GPR149: variants seen among roughly 807,000 people sequenced by gnomAD.
The protein encoded by GPR149 is G protein-coupled receptor 149.
In GPR149, 50 loss-of-function variants were observed where a neutral mutation model predicts 50.2. The observed-to-expected ratio is 1.00, with a 90% confidence interval of 0.79 to 1.26. The LOEUF (loss-of-function observed/expected upper bound fraction) is 1.26. Among genes scored for constraint, GPR149 ranks in the 50% most tolerant of loss-of-function variants. The probability of loss-of-function intolerance (pLI) is 0.00; values close to 1 mark genes in which losing one functional copy is unlikely to be tolerated. For missense variants in GPR149, 983 were observed against 895.4 expected, an observed-to-expected ratio of 1.10 and a Z score of -1.25; for synonymous variants, 405 against 358.2, an observed-to-expected ratio of 1.13 and a Z score of -1.48.
intron 3 of GPR149, among the ~76,000 whole-genome samples, chr3:154,396,168 T>G (rs1306398899): frequency 2.6e-5 from 4 of 152,158 alleles, no homozygotes; most frequent in Admixed American, 1.3e-4. Flanking sequence ...AAATGTTTGT[T>G]TAGTGTGGGA....
chr3:154,421,147 A>G lies in GPR149; in HGVS notation c.1515T>C (p.Thr505=), dbSNP rs756291401. ...KTGGDINYEE[T]TFSEGPERRL... is the part of the protein sequence containing the mutation. ...TTCTTTCTGGCCCTTCAGAAAAGGT[A>G]GTTTCTTCATAGTTAATATCACCTC... The change falls in exon 3 of 4, where the codon ACT becomes ACC. Residue 505 remains threonine, a synonymous_variant. Transcript: ENST00000389740. 5.0e-6 allele frequency: 8 copies of G among 1,613,268 alleles called. No individual in the cohort carries two copies. In the East Asian group the frequency reaches 1.1e-4, roughly 22 times the overall value.
intron 3 of GPR149, chr3:154,354,308 A>G (rs1714162333): frequency 3.2e-6 from 1 of 316,418 alleles, no homozygotes; most frequent in Admixed American, 4.8e-5. Context: ...CTATAAGGGA[A>G]GTACAGGTCT....
Position 154,427,724 on chromosome 3 carries a change from A to G in GPR149, c.982-16T>C. The G allele has an allele frequency of 1.2e-6, 2 of 1,603,604 alleles. No individual in the cohort carries two copies. Among genetic ancestry groups the G allele is most frequent in the African/African-American group, 2.7e-5 (2 of 74,684 alleles). ...CCATGTGCATCTGCAAGGGCAAGAG[A>G]ACTTCAGACCTAACCTAAAATTATA... is the stretch of plus-strand genomic sequence containing the variant. On this transcript the variant is annotated splice_polypyrimidine_tract_variant and intron_variant, in intron 1 of 3. Transcript: ENST00000389740.
intron 3 of GPR149, among the ~76,000 whole-genome samples, chr3:154,378,102 G>A (rs1013350222): frequency 1.2e-5 from 1 of 82,102 alleles, no homozygotes; most frequent in African/African-American, 4.4e-5. Context: ...TTTTTTTTTT[G>A]AGATGGAGTC....
At chr3:154,353,173 A>C in intron 3 of GPR149, 2 of 1,530,948 alleles carry the variant, frequency 1.3e-6, no homozygotes, top group Admixed American at 3.3e-5. Context: ...CTCCCTTCAG[A>C]CCCACTGTAG....
intron 3 of GPR149, among the ~76,000 whole-genome samples, chr3:154,397,848 T>C (rs1209946054): frequency 1.3e-5 from 2 of 152,166 alleles, no homozygotes; most frequent in African/African-American, 4.8e-5. Context: ...TTATTTAATT[T>C]TTATCTTACT....
chr3:154,356,801 T>C (rs1266899457), intron 3 of GPR149, among the ~76,000 whole-genome samples: 2 of 152,098 alleles, frequency 1.3e-5, no homozygotes, highest in Non-Finnish European at 2.9e-5. Flanking sequence ...AAGCTACCAA[T>C]GACTTTCTTC....
Position 154,428,770 on chromosome 3 carries a change from G to A in GPR149, c.846C>T (p.Ala282=), listed in dbSNP as rs771407063. The A allele has an allele frequency of 6.2e-7, 1 of 1,613,764 alleles. No individual in the cohort carries two copies. Among genetic ancestry groups the A allele is most frequent in the African/African-American group, 1.3e-5 (1 of 74,910 alleles). ...DTVFGPGAPA[A]AGAEACRREN... is the part of the protein sequence containing the mutation. ...CACGCCTGCAGGCTTCAGCCCCAGC[G>A]GCAGCGGGCGCACCCGGTCCGAACA... Residue 282 remains alanine (A), a synonymous_variant, in exon 1 of 4, where the codon GCC becomes GCT. Transcript: ENST00000389740.
chr3:154,340,311 A>G (rs946070227), intron 3 of GPR149, among the ~76,000 whole-genome samples: 1 of 152,254 alleles, frequency 6.6e-6, no homozygotes, highest in South Asian at 2.1e-4. Context: ...GCCAAGGCAA[A>G]GAACTTCATT....
At chr3:154,385,211 G>A (rs1032218568) in intron 3 of GPR149, among the ~76,000 whole-genome samples, 4 of 152,192 alleles carry the variant, frequency 2.6e-5, no homozygotes, top group African/African-American at 9.7e-5. Flanking sequence ...TTTGTGCTAT[G>A]TCTGCTGTAG....
intron 3 of GPR149, among the ~76,000 whole-genome samples, chr3:154,418,973 G>C (rs1712063049): frequency 1.3e-5 from 2 of 151,892 alleles, no homozygotes; most frequent in South Asian, 4.2e-4. Flanking sequence ...CTGTGGTTTA[G>C]GATTTCTTCC....
At chr3:154,359,406 G>T (rs1290209909) in intron 3 of GPR149, among the ~76,000 whole-genome samples, 1 of 152,124 alleles carries the variant, frequency 6.6e-6, no homozygotes, top group East Asian at 1.9e-4. Flanking sequence ...CTTCTCATAG[G>T]CAGAATCAGA....
At chr3:154,415,011 A>C (rs2108426137) in intron 3 of GPR149, among the ~76,000 whole-genome samples, 1 of 152,114 alleles carries the variant, frequency 6.6e-6, no homozygotes, top group East Asian at 1.9e-4. Context: ...ACTTTACATT[A>C]GTGGAAACTG....
intron 3 of GPR149, among the ~76,000 whole-genome samples, chr3:154,388,123 G>A (rs1715087050): frequency 6.6e-6 from 1 of 151,958 alleles, no homozygotes; most frequent in African/African-American, 2.4e-5. Context: ...AAAAACACTT[G>A]TTTTTCAGGT....
At chr3:154,339,866 T>C (rs941327192) in intron 3 of GPR149, among the ~76,000 whole-genome samples, 2 of 136,764 alleles carry the variant, frequency 1.5e-5, no homozygotes, top group Non-Finnish European at 3.1e-5. Context: ...CTCGGTTCAC[T>C]GCAAGCTCTG....
chr3:154,398,905 G>A (rs565495706), intron 3 of GPR149, among the ~76,000 whole-genome samples: 44 of 152,200 alleles, frequency 2.9e-4, no homozygotes, highest in African/African-American at 9.1e-4. Context: ...ACAAAATGAC[G>A]TCTCATCCTA....
chr3:154,369,520 C>T (rs1714612151), intron 3 of GPR149, among the ~76,000 whole-genome samples: 1 of 152,142 alleles, frequency 6.6e-6, no homozygotes, highest in African/African-American at 2.4e-5. Context: ...CTCTCCTCCC[C>T]AACTGACTCT....
At chr3:154,401,889 C>T (rs1241811297) in intron 3 of GPR149, among the ~76,000 whole-genome samples, 3 of 152,130 alleles carry the variant, frequency 2.0e-5, no homozygotes, top group African/African-American at 7.2e-5. Flanking sequence ...AATACTAAAG[C>T]AACAAAGTAG....
At chr3:154,371,242 T>G (rs1241419388) in intron 3 of GPR149, among the ~76,000 whole-genome samples, 1 of 152,202 alleles carries the variant, frequency 6.6e-6, no homozygotes, top group Non-Finnish European at 1.5e-5. Flanking sequence ...CAGAGACTAG[T>G]GCAAGACCTC....
Sources: gnomAD v4.1 joint callset for allele counts (sites outside exome capture counted in the v4.1 genomes callset) on GRCh38, gnomAD v4.1.1 for gene constraint, MANE v1.5 for transcripts, NCBI Gene and HGNC (gene_info 2026-07-23, HGNC 2026-07-21) for gene names.